RPH3AL: variants seen among roughly 807,000 people sequenced by gnomAD.
RPH3AL encodes the protein rab effector Noc2.
In RPH3AL, 38 loss-of-function variants were observed where a neutral mutation model predicts 43.1. The observed-to-expected ratio is 0.88, with a 90% CI of 0.68 to 1.15. The LOEUF (loss-of-function observed/expected upper bound fraction) is 1.15, where lower values mean the gene tolerates loss of function less well. Among genes scored for constraint, RPH3AL ranks in the 50% most tolerant of loss-of-function variants. The probability of loss-of-function intolerance (pLI) is 0.00; values close to 1 mark genes in which losing one functional copy is unlikely to be tolerated. For synonymous variants in RPH3AL, 189 were observed against 176.3 expected (o/e 1.07, Z -0.57); for missense variants, 462 against 423.2 (o/e 1.09, Z -0.81).
At chr17:314,866 C>A (rs1377265594) in intron 5 of RPH3AL, among the ~76,000 whole-genome samples, 13 of 151,366 alleles carry the variant, frequency 8.6e-5, no homozygotes, top group African/African-American at 3.2e-4. Flanking sequence ...CCCTGTGCCC[C>A]ACCTCCATTG....
intron 7 of RPH3AL, among the ~76,000 whole-genome samples, chr17:223,098 G>A (rs957378628): frequency 6.6e-5 from 10 of 151,962 alleles, no homozygotes; most frequent in African/African-American, 2.4e-4. Context: ...GCTGAGGCAG[G>A]AGAATCACTT....
In RPH3AL at chr17:213,586, A is replaced by C; in HGVS notation, c.*266T>G. 1 of 550,650 alleles carries C rather than the reference A, an allele frequency of 1.8e-6. No individual in the cohort carries two copies. Among genetic ancestry groups the C allele is most frequent in the Non-Finnish European group, 3.3e-6 (1 of 306,898 alleles). 34.1% of individuals were successfully genotyped at this position (550,650 alleles called of 1,614,324 possible). ...CGCAAACTTAAAATCATCACCAGGT[A>C]GATTGGGGGTGTGGGAGGGGAGGGT... On this transcript the variant is annotated 3_prime_UTR_variant, in exon 10 of 10. Transcript: ENST00000331302.
intron 6 of RPH3AL, among the ~76,000 whole-genome samples, chr17:250,005 T>A (rs1457768376): frequency 7.0e-6 from 1 of 143,508 alleles, no homozygotes; most frequent in East Asian, 2.2e-4. Context: ...CTAAGCTCCA[T>A]CGCTGCGGGA....
chr17:277,136 A>C (rs879819256), intron 6 of RPH3AL, among the ~76,000 whole-genome samples: 5 of 152,230 alleles, frequency 3.3e-5, no homozygotes, highest in Non-Finnish European at 5.9e-5. Flanking sequence ...CAGTAATAAG[A>C]GAAAGAAATG....
chr17:260,679 T>C (rs1213713791), intron 6 of RPH3AL, among the ~76,000 whole-genome samples: 3 of 152,098 alleles, frequency 2.0e-5, no homozygotes, highest in Non-Finnish European at 4.4e-5. Flanking sequence ...GGAGAGGCAG[T>C]ACCTCTCCCT....
At chr17:269,111 C>A (rs1334493767) in intron 6 of RPH3AL, among the ~76,000 whole-genome samples, 2 of 152,152 alleles carry the variant, frequency 1.3e-5, no homozygotes, top group Non-Finnish European at 2.9e-5. Flanking sequence ...ATCTCCTGAC[C>A]TCATAATCCG....
At chr17:254,493 G>A (rs1243526048) in intron 6 of RPH3AL, among the ~76,000 whole-genome samples, 1 of 11,890 alleles carries the variant, frequency 8.4e-5, no homozygotes, top group Non-Finnish European at 1.4e-4. Context: ...ACTACCCTAC[G>A]TACTTCCTAT....
chr17:343,944 A>ATCATC (rs1344638381), intron 1 of RPH3AL, among the ~76,000 whole-genome samples: 5 of 43,690 alleles, frequency 1.1e-4, no homozygotes, highest in African/African-American at 2.9e-4. Context: ...TCATCATCAT[A>ATCATC]ATATTCACCA....
rs2041721656 is a variant in RPH3AL, at chr17:245,158, C to T, written c.613+1953G>A. The stretch of plus-strand genomic sequence containing the variant: ...GTGTCCATGTGGATGTGTGTGTGCA[C>T]ATGGATGTGTCTGTGTGTACGTGGA... On this transcript the variant is annotated intron_variant, in intron 7 of 9. Coordinates refer to ENST00000331302, the MANE Select transcript of RPH3AL (RefSeq NM_006987.4). The surrounding 1 kb of genome is among the most constrained non-coding windows in gnomAD (Gnocchi z 5.9). 7.3e-6 allele frequency among the ~76,000 whole-genome samples: 1 copy of T among 137,466 alleles called. No individual in the cohort carries two copies. The highest frequency in any genetic ancestry group is 2.8e-5 in the African/African-American group (1 of 36,122). 90.2% of individuals were successfully genotyped at this position (137,466 alleles called of 152,430 possible).
At chr17:229,044 A>C (rs1292345704) in intron 7 of RPH3AL, among the ~76,000 whole-genome samples, 2 of 152,240 alleles carry the variant, frequency 1.3e-5, no homozygotes, top group Non-Finnish European at 2.9e-5. Flanking sequence ...TTAAAAGGCT[A>C]TACAAGCCTA....
chr17:330,596 C>A (rs1197645318), intron 2 of RPH3AL, among the ~76,000 whole-genome samples: 1 of 152,176 alleles, frequency 6.6e-6, no homozygotes, highest in Non-Finnish European at 1.5e-5. Context: ...ATACTACAGC[C>A]CACACGGGGT....
At chr17:300,931 C>T (rs1471349718) in intron 5 of RPH3AL, among the ~76,000 whole-genome samples, 2 of 151,860 alleles carry the variant, frequency 1.3e-5, no homozygotes, top group Non-Finnish European at 2.9e-5. Context: ...CAGGGGCTGC[C>T]ACAGCCTAGG....
rs571863962 is a variant in RPH3AL, at chr17:308,768, C to T, written c.351+10652G>A. Among the ~76,000 whole-genome samples, 9 of 152,246 alleles carry T rather than the reference C, an allele frequency of 5.9e-5. No homozygotes were observed. The East Asian group carries it at 7.7e-4, about 13-fold the overall frequency. On this transcript the variant is annotated intron_variant, in intron 5 of 9. Coordinates refer to ENST00000331302, the MANE Select transcript of RPH3AL (RefSeq NM_006987.4). ...CTAATGAACATCCAGGTGAGGTCCT[C>T]GGCCCACACTTTGAGTAGCAGAGAC... is the stretch of plus-strand genomic sequence containing the variant.
chr17:244,603 G>A (rs536850089), intron 7 of RPH3AL, among the ~76,000 whole-genome samples: 9 of 152,278 alleles, frequency 5.9e-5, no homozygotes, highest in Admixed American at 3.3e-4. Flanking sequence ...GTCCCAGGAG[G>A]AGCAGCGTCT....
chr17:265,676 C>A (rs4985591), intron 6 of RPH3AL, among the ~76,000 whole-genome samples: 12,392 of 152,218 alleles, frequency 0.081, 544 homozygotes, highest in Non-Finnish European at 0.088. Flanking sequence ...CTTCCCTGAC[C>A]TCTGGAAAAT....
intron 2 of RPH3AL, chr17:331,806 C>T: frequency 7.8e-7 from 1 of 1,289,158 alleles, no homozygotes; most frequent in Non-Finnish European, 1.0e-6. Context: ...AAAGCAGGGT[C>T]CTGAAAACTC....
chr17:220,707 A>G (rs2040950696), intron 7 of RPH3AL, among the ~76,000 whole-genome samples: 2 of 65,930 alleles, frequency 3.0e-5, no homozygotes, highest in African/African-American at 1.1e-4. Flanking sequence ...ACTCACTGAG[A>G]CAATAGACCC....
intron 5 of RPH3AL, among the ~76,000 whole-genome samples, chr17:318,858 T>C (rs2044377722): frequency 6.6e-6 from 1 of 152,148 alleles, no homozygotes; most frequent in Non-Finnish European, 1.5e-5. Flanking sequence ...GCAGGACCAA[T>C]GGAACAGAAA....
intron 7 of RPH3AL, among the ~76,000 whole-genome samples, chr17:220,076 T>A (rs1297978104): frequency 6.6e-6 from 1 of 151,002 alleles, no homozygotes; most frequent in Non-Finnish European, 1.5e-5. Flanking sequence ...AGGCTGATTA[T>A]CACCGTGATG....
Sources: allele counts gnomAD v4.1 joint callset (sites outside exome capture counted in the v4.1 genomes callset), GRCh38; gene constraint gnomAD v4.1.1; non-coding constraint Gnocchi (gnomAD v3.1); transcripts MANE v1.5; gene names NCBI Gene and HGNC (gene_info 2026-07-23, HGNC 2026-07-21).